Variants in EFCAB13 observed in about 807,000 individuals in gnomAD.
EFCAB13 encodes EF-hand calcium binding domain 13.
EFCAB13 carries 91 observed loss-of-function variants against 110.2 expected under a neutral mutation model. That is an observed-to-expected ratio of 0.83 (90% confidence interval 0.70 to 0.98). The LOEUF (loss-of-function observed/expected upper bound fraction) is 0.98. EFCAB13 is among the 50% of genes least tolerant of loss of function. The pLI is 0.00. For synonymous variants in EFCAB13, 323 were observed against 369.9 expected (o/e 0.87, Z 1.45); for missense variants, 968 against 1,119.4 (o/e 0.86, Z 1.93).
At chr17:47,417,647 C>T (rs1904495543) in intron 23 of EFCAB13, among the ~76,000 whole-genome samples, 1 of 152,164 alleles carries the variant, frequency 6.6e-6, no homozygotes, top group South Asian at 2.1e-4. Flanking sequence ...GAATTTCTCC[C>T]AATAGTCATA....
intron 24 of EFCAB13, among the ~76,000 whole-genome samples, chr17:47,438,209 T>C (rs930090529): frequency 3.9e-5 from 6 of 152,206 alleles, no homozygotes; most frequent in Admixed American, 6.5e-5. Context: ...TCACAGCTCT[T>C]ACGAGTCTTT....
At chr17:47,398,289 C>T (rs1204649292) in intron 17 of EFCAB13, among the ~76,000 whole-genome samples, 2 of 147,584 alleles carry the variant, frequency 1.4e-5, no homozygotes, top group African/African-American at 2.5e-5. Context: ...AGGTGAGGGG[C>T]GCCTCTGCCC....
intron 10 of EFCAB13, among the ~76,000 whole-genome samples, chr17:47,368,294 T>C (rs999448809): frequency 2.6e-5 from 4 of 152,136 alleles, no homozygotes; most frequent in African/African-American, 9.7e-5. Context: ...TGGCATATTG[T>C]GGAGGATATG....
Position 47,397,186 on chromosome 17 carries a change from A to G in EFCAB13, c.1945+1209A>G, listed in dbSNP as rs1371280363. Among the ~76,000 whole-genome samples the G allele has an allele frequency of 2.0e-5, 3 of 151,350 alleles. No individual in the cohort carries two copies. In the East Asian group the frequency reaches 6.0e-4, roughly 30 times the overall value. On this transcript the variant is annotated intron_variant, in intron 17 of 24. Transcript: ENST00000331493. ...GCCGCCACGCCTGACTGGTTTTCGT[A>G]TTTTTTTGGTGGAGACGGGGTTTCG...
intron 24 of EFCAB13, among the ~76,000 whole-genome samples, chr17:47,438,695 C>T (rs1282560581): frequency 6.6e-6 from 1 of 151,994 alleles, no homozygotes; most frequent in Non-Finnish European, 1.5e-5. Context: ...CCCTTCACTT[C>T]TTGTATCATA....
chr17:47,397,630 T>C (rs1003219711), intron 17 of EFCAB13, among the ~76,000 whole-genome samples: 1 of 143,826 alleles, frequency 7.0e-6, no homozygotes, highest in Non-Finnish European at 1.5e-5. Context: ...CGGCCGCCCA[T>C]CGTCTGAGAT....
At position 47,345,002 on chromosome 17, in the gene EFCAB13, T is replaced by C. The variant is rs766175759; in HGVS notation, c.435-14T>C. The C allele has an allele frequency of 1.7e-5, 27 of 1,592,542 alleles. No individual in the cohort carries two copies. Among genetic ancestry groups the C allele is most frequent in the Non-Finnish European group, 2.3e-5 (27 of 1,167,172 alleles). On this transcript the variant is annotated splice_polypyrimidine_tract_variant and intron_variant, in intron 7 of 24. Coordinates refer to ENST00000331493, the MANE Select transcript of EFCAB13 (RefSeq NM_152347.5). ...TTTCATTGCCACTTTCTAATATGGCTGTTTCTTTGACAGGGAAAAGGAAAT... is the reference window on the plus strand; with the variant it reads ...TTTCATTGCCACTTTCTAATATGGCCGTTTCTTTGACAGGGAAAAGGAAAT...
At chr17:47,413,814 T>A (rs1253449768) in intron 22 of EFCAB13, among the ~76,000 whole-genome samples, 1 of 152,178 alleles carries the variant, frequency 6.6e-6, no homozygotes, top group Non-Finnish European at 1.5e-5. Context: ...TATTTTAATT[T>A]CTTTTTTAAA....
chr17:47,432,073 T>C (rs939354578), intron 24 of EFCAB13, among the ~76,000 whole-genome samples: 3 of 152,112 alleles, frequency 2.0e-5, no homozygotes, highest in East Asian at 3.9e-4. Flanking sequence ...CTGGGCAAGA[T>C]GGTGAAACCG....
chr17:47,344,214 A>T lies in EFCAB13; in HGVS notation c.356A>T (p.Asn119Ile). ...LSKEKVTRKE[N>I]SLCKLPNQYS... ...AAGGAGAAGGTGACAAGGAAAGAAA[A>T]CTCTTTATGCAAGTTGCCGAATCAG... Residue 119 changes from asparagine (N) to isoleucine (I), a missense_variant, in exon 7 of 25, where the codon AAC becomes ATC. Asn to Ile is a moderately radical substitution (Grantham distance 149, BLOSUM62 -3). Coordinates refer to ENST00000331493, the MANE Select transcript of EFCAB13 (RefSeq NM_152347.5). The T allele has an allele frequency of 6.2e-7, 1 of 1,612,790 alleles. No homozygotes were observed. The highest frequency in any genetic ancestry group is 8.5e-7 in the Non-Finnish European group (1 of 1,179,246).
In EFCAB13 at chr17:47,402,126, T is replaced by C; in HGVS notation, c.1946-6T>C. 1 of 1,613,626 alleles carries C rather than the reference T, an allele frequency of 6.2e-7. No homozygotes were observed. Among genetic ancestry groups the C allele is most frequent in the Non-Finnish European group, 8.5e-7 (1 of 1,179,696 alleles). On this transcript the variant is annotated splice_region_variant and splice_polypyrimidine_tract_variant and intron_variant, in intron 17 of 24. Coordinates refer to ENST00000331493, the MANE Select transcript of EFCAB13 (RefSeq NM_152347.5). ...GTTGGTCTATTAAAAGTGTTTTTTC[T>C]CACAGAAGGTGACAAAGTACAATTT... is the stretch of plus-strand genomic sequence containing the variant.
chr17:47,379,561 TTG>T (rs1491384549), intron 14 of EFCAB13, among the ~76,000 whole-genome samples: 1,353 of 109,342 alleles, frequency 0.012, 19 homozygotes, highest in African/African-American at 0.043. Flanking sequence ...GTGATATGGT[TTG>T]TTTTTTTTTT....
chr17:47,325,614 C>T (rs1186955710), intron 2 of EFCAB13, among the ~76,000 whole-genome samples: 2 of 152,002 alleles, frequency 1.3e-5, no homozygotes, highest in Non-Finnish European at 2.9e-5. Context: ...CTTCTTGCCT[C>T]GGGGCTTTTG....
chr17:47,399,367 A>G lies in EFCAB13; in HGVS notation c.1946-2765A>G, dbSNP rs540837918. 3.8e-4 allele frequency among the ~76,000 whole-genome samples: 58 copies of G among 152,288 alleles called. 1 individual carries two copies. In the South Asian group the frequency reaches 0.011, roughly 29 times the overall value. Reference sequence around the variant, plus strand: ...TTTTAACATTGTGCACTTAGTACAAAGGTATTTAGTTCTTATTTTAATGCA... The same window carrying G: ...TTTTAACATTGTGCACTTAGTACAAGGGTATTTAGTTCTTATTTTAATGCA... On this transcript the variant is annotated intron_variant, in intron 17 of 24. Coordinates refer to ENST00000331493, the MANE Select transcript of EFCAB13 (RefSeq NM_152347.5).
At chr17:47,388,980 G>A (rs748748529) in intron 14 of EFCAB13, among the ~76,000 whole-genome samples, 34 of 151,764 alleles carry the variant, frequency 2.2e-4, no homozygotes, top group Non-Finnish European at 4.7e-4. Context: ...TTTTAGTTTT[G>A]CATTTCCTTA....
chr17:47,423,698 G>T (rs902575419), intron 23 of EFCAB13, among the ~76,000 whole-genome samples: 1 of 151,762 alleles, frequency 6.6e-6, no homozygotes, highest in Non-Finnish European at 1.5e-5. Context: ...CCCGGCGGTT[G>T]GGGCGCCGGG....
intron 9 of EFCAB13, among the ~76,000 whole-genome samples, chr17:47,355,570 A>ATTTTTTT (rs71365066): frequency 1.7e-5 from 2 of 120,348 alleles, no homozygotes; most frequent in Non-Finnish European, 1.7e-5. Flanking sequence ...GGCTTTGTTC[A>ATTTTTTT]TTTTTTTTTT....
At chr17:47,438,557 CT>C (rs1290043748) in intron 24 of EFCAB13, among the ~76,000 whole-genome samples, 3 of 147,222 alleles carry the variant, frequency 2.0e-5, no homozygotes, top group African/African-American at 7.5e-5. Flanking sequence ...TCTTCGAGCT[CT>C]GAATTTCCTT....
At chr17:47,357,602 G>A (rs1262391497) in intron 9 of EFCAB13, among the ~76,000 whole-genome samples, 1 of 152,134 alleles carries the variant, frequency 6.6e-6, no homozygotes, top group Non-Finnish European at 1.5e-5. Context: ...TTTCATAGAA[G>A]TGGGATTTCA....
Sources: gnomAD v4.1 joint callset for allele counts (sites outside exome capture counted in the v4.1 genomes callset) on GRCh38, gnomAD v4.1.1 for gene constraint, MANE v1.5 for transcripts, NCBI Gene and HGNC (gene_info 2026-07-23, HGNC 2026-07-21) for gene names.